Variants in MRAP2 observed in about 807,000 individuals in gnomAD.
The protein encoded by MRAP2 is melanocortin-2 receptor accessory protein 2.
Under a neutral mutation model 17.4 loss-of-function variants are expected in MRAP2, and 20 were observed. The observed-to-expected ratio is 1.15, with a 90% CI of 0.81 to 1.67. The LOEUF is 1.67. MRAP2 is among the 40% of genes most tolerant of loss of function. The pLI is 0.00. For missense variants in MRAP2, 238 were observed against 240.0 expected (o/e 0.99, Z 0.05); for synonymous variants, 96 against 88.4 (o/e 1.09, Z -0.48).
At chr6:84,039,210 A>G (rs2129157247) in intron 1 of MRAP2, among the ~76,000 whole-genome samples, 2 of 152,358 alleles carry the variant, frequency 1.3e-5, no homozygotes, top group East Asian at 3.9e-4. Flanking sequence ...TCTGTTGTTC[A>G]TGACTAAAAA....
intron 3 of MRAP2, among the ~76,000 whole-genome samples, chr6:84,071,590 G>C (rs2099496199): frequency 6.6e-6 from 1 of 152,154 alleles, no homozygotes; most frequent in Non-Finnish European, 1.5e-5. Flanking sequence ...GAATTTCCTA[G>C]GTGTTCTTTG....
the MRAP2 span, among the ~76,000 whole-genome samples, chr6:84,110,460 C>A: frequency 2.6e-5 from 4 of 151,854 alleles, no homozygotes; most frequent in South Asian, 2.1e-4. Context: ...AATTTAAGTT[C>A]TTTGTAGATT....
At position 84,033,841 on chromosome 6, in the gene MRAP2, G is replaced by T. The variant is rs1352963040; in HGVS notation, c.-50G>T. On this transcript the variant is annotated 5_prime_UTR_variant, in exon 1 of 4. Transcript: ENST00000257776. ...CTCGCGCACCTCGGAGGAGCCAGGAGCCGGAACCAGGGCCGAGCCCGCGGG... is the reference window on the plus strand; with the variant it reads ...CTCGCGCACCTCGGAGGAGCCAGGATCCGGAACCAGGGCCGAGCCCGCGGG... 8 of 987,238 alleles carry T rather than the reference G, an allele frequency of 8.1e-6. No homozygotes were observed. The highest frequency in any genetic ancestry group is 9.6e-6 in the Non-Finnish European group (8 of 831,244). The allele number at this position is 987,238 out of a possible 1,614,324, so 61.2% of individuals were successfully genotyped here.
At chr6:84,068,938 G>C (rs939436512) in intron 3 of MRAP2, among the ~76,000 whole-genome samples, 16 of 151,734 alleles carry the variant, frequency 1.1e-4, no homozygotes, top group Non-Finnish European at 1.8e-4. Flanking sequence ...CAAAGTGCTA[G>C]GATTATAGGC....
Position 84,090,762 on chromosome 6 carries a change from C to T in MRAP2, c.*1281C>T, listed in dbSNP as rs1384655307. Reference sequence around the variant, plus strand: ...AAGCTGCACACTGGTATTAAAACAACTTGATTTTGCGCACACAGTTGCATG... The same window carrying T: ...AAGCTGCACACTGGTATTAAAACAATTTGATTTTGCGCACACAGTTGCATG... On this transcript the variant is annotated 3_prime_UTR_variant, in exon 4 of 4. Transcript: ENST00000257776. 1 of 152,200 alleles carries T rather than the reference C, an allele frequency of 6.6e-6. No homozygotes were observed. The highest frequency in any genetic ancestry group is 1.5e-5 in the Non-Finnish European group (1 of 68,036). 9.4% of individuals were successfully genotyped at this position (152,200 alleles called of 1,614,324 possible).
the MRAP2 span, among the ~76,000 whole-genome samples, chr6:84,141,288 A>G: frequency 1.3e-5 from 2 of 152,172 alleles, no homozygotes; most frequent in Non-Finnish European, 2.9e-5. Context: ...GCATTCATTC[A>G]AAACAAATGT....
the MRAP2 span, among the ~76,000 whole-genome samples, chr6:84,100,079 C>T: frequency 1.3e-5 from 2 of 151,950 alleles, no homozygotes; most frequent in Non-Finnish European, 2.9e-5. Context: ...AGGCTGATCT[C>T]GAACTCCTGG....
At chr6:84,128,559 G>A in the MRAP2 span, among the ~76,000 whole-genome samples, 1 of 152,108 alleles carries the variant, frequency 6.6e-6, no homozygotes, top group Non-Finnish European at 1.5e-5. Context: ...CCATATAGAA[G>A]TTATTTCACT....
chr6:84,090,680 G>A lies in MRAP2; in HGVS notation c.*1199G>A, dbSNP rs1187796432. 1 of 152,200 alleles carries A rather than the reference G, an allele frequency of 6.6e-6. No homozygotes were observed. Among genetic ancestry groups the A allele is most frequent in the Admixed American group, 6.5e-5 (1 of 15,282 alleles). 9.4% of individuals were successfully genotyped at this position (152,200 alleles called of 1,614,324 possible). On this transcript the variant is annotated 3_prime_UTR_variant, in exon 4 of 4. Coordinates refer to ENST00000257776, the MANE Select transcript of MRAP2 (RefSeq NM_138409.4). ...AATTCCCCACTAGCAGATATTCAGGGTGGCCTGAGTTATGTAAACAAGTGA... is the reference window on the plus strand; with the variant it reads ...AATTCCCCACTAGCAGATATTCAGGATGGCCTGAGTTATGTAAACAAGTGA...
At chr6:84,128,463 T>C in the MRAP2 span, among the ~76,000 whole-genome samples, 295 of 152,166 alleles carry the variant, frequency 1.9e-3, 1 homozygote, top group African/African-American at 6.8e-3. Context: ...TGAAATAAAT[T>C]AGTAATGATT....
the MRAP2 span, among the ~76,000 whole-genome samples, chr6:84,138,536 A>G: frequency 6.6e-6 from 1 of 152,090 alleles, no homozygotes; most frequent in African/African-American, 2.4e-5. Context: ...TTATAAATAA[A>G]CTCCATATTA....
the MRAP2 span, among the ~76,000 whole-genome samples, chr6:84,100,463 C>T: frequency 4.0e-5 from 6 of 151,788 alleles, no homozygotes; most frequent in East Asian, 2.0e-4. Flanking sequence ...GACAGCATTT[C>T]GCCATGTTGT....
chr6:84,086,561 T>C (rs1356880647), intron 3 of MRAP2, among the ~76,000 whole-genome samples: 1 of 152,152 alleles, frequency 6.6e-6, no homozygotes, highest in Non-Finnish European at 1.5e-5. Flanking sequence ...CAAATAAAAG[T>C]CAAGTATATT....
At chr6:84,054,508 C>T (rs1002361565) in intron 1 of MRAP2, among the ~76,000 whole-genome samples, 1 of 152,152 alleles carries the variant, frequency 6.6e-6, no homozygotes, top group Non-Finnish European at 1.5e-5. Flanking sequence ...TCTGCAAGAT[C>T]CACTATGCAA....
chr6:84,048,744 A>G (rs1210486273), intron 1 of MRAP2, among the ~76,000 whole-genome samples: 1 of 152,188 alleles, frequency 6.6e-6, no homozygotes, highest in Admixed American at 6.5e-5. Flanking sequence ...TTCTACATTC[A>G]CCAGCTAATC....
At chr6:84,041,069 C>CG (rs1562869844) in intron 1 of MRAP2, among the ~76,000 whole-genome samples, 1 of 152,182 alleles carries the variant, frequency 6.6e-6, no homozygotes, top group African/African-American at 2.4e-5. Flanking sequence ...TCAGGCCCCC[C>CG]CTGCTGCGTG....
the MRAP2 span, among the ~76,000 whole-genome samples, chr6:84,120,330 G>C: frequency 6.6e-6 from 1 of 152,138 alleles, no homozygotes; most frequent in Non-Finnish European, 1.5e-5. Context: ...GACATACCCA[G>C]AAAGAATGCT....
At chr6:84,034,952 A>G (rs58556343) in intron 1 of MRAP2, among the ~76,000 whole-genome samples, 2,410 of 152,258 alleles carry the variant, frequency 0.016, 63 homozygotes, top group African/African-American at 0.054. Context: ...AGACAAGAAC[A>G]GGTGCAGGAG....
chr6:84,063,483 C>G, intron 3 of MRAP2: 1 of 930,972 alleles, frequency 1.1e-6, no homozygotes, highest in Non-Finnish European at 1.3e-6. Flanking sequence ...TTTCTTAAAA[C>G]TAGGATACAA....
Sources: gnomAD v4.1 joint callset for allele counts (sites outside exome capture counted in the v4.1 genomes callset) on GRCh38, gnomAD v4.1.1 for gene constraint, MANE v1.5 for transcripts, NCBI Gene and HGNC (gene_info 2026-07-23, HGNC 2026-07-21) for gene names.